The following CNTNAP2 variants were observed in gnomAD, a reference collection of about 807,000 sequenced individuals.
CNTNAP2 encodes the protein contactin associated protein 2, also known as contactin-associated protein-like 2.
CNTNAP2 carries 98 observed loss-of-function variants against 155.2 expected under a neutral mutation model. The observed-to-expected ratio is 0.63, with a 90% CI of 0.54 to 0.75. The LOEUF (loss-of-function observed/expected upper bound fraction) is 0.75. Ranked by LOEUF, CNTNAP2 falls within the 30% of genes least tolerant of loss-of-function variation. The probability of loss-of-function intolerance (pLI) is 0.00; values close to 1 mark genes in which losing one functional copy is unlikely to be tolerated. For missense variants in CNTNAP2, 1,727 were observed against 1,688.1 expected (o/e 1.02, Z -0.40); for synonymous variants, 651 against 631.2 (o/e 1.03, Z -0.47).
intron 12 of CNTNAP2, among the ~76,000 whole-genome samples, chr7:147,588,028 C>T (rs1048254305): frequency 3.9e-5 from 6 of 151,928 alleles, no homozygotes; most frequent in African/African-American, 1.5e-4. Context: ...ATTTAAGCTC[C>T]CATCCAATCA....
At chr7:147,573,660 T>C (rs1800336085) in intron 12 of CNTNAP2, among the ~76,000 whole-genome samples, 1 of 152,170 alleles carries the variant, frequency 6.6e-6, no homozygotes, top group Admixed American at 6.5e-5. Context: ...TAAAAGACTA[T>C]AAAATAATAT....
chr7:147,722,228 T>A (rs1796576375), intron 13 of CNTNAP2, among the ~76,000 whole-genome samples: 1 of 152,160 alleles, frequency 6.6e-6, no homozygotes, highest in Admixed American at 6.5e-5. Context: ...ATTTTATTTG[T>A]CAGTAACATG....
rs76199344 is a variant in CNTNAP2 at position 147,635,002 on chromosome 7, C to G, written c.1898-4104C>G. ...ACATTTGCATTTGTATTTCTTCTGT[C>G]TGGAATATTTTCCCCAGGCATTCAC... is the stretch of plus-strand genomic sequence containing the variant. On this transcript the variant is annotated intron_variant, in intron 12 of 23. Coordinates refer to ENST00000361727, the MANE Select transcript of CNTNAP2 (RefSeq NM_014141.6). Among the ~76,000 whole-genome samples the G allele has an allele frequency of 3.6e-3, 541 of 152,206 alleles. 1 individual carries two copies. Among genetic ancestry groups the G allele is most frequent in the Middle Eastern group, 0.01 (3 of 294 alleles).
rs879600389 is a variant in CNTNAP2 at position 146,638,476 on chromosome 7, C to CTT, written c.98-135774_98-135773dup. Among the ~76,000 whole-genome samples the CTT allele has an allele frequency of 3.7e-3, 239 of 64,364 alleles. 19 individuals are homozygous for CTT. The highest frequency in any genetic ancestry group is 0.01 in the East Asian group (19 of 1,884). 42.2% of individuals were successfully genotyped at this position (64,364 alleles called of 152,430 possible). A position where few individuals can be genotyped will look rare whatever the true frequency, so the allele number is the denominator to read the frequency against. The stretch of plus-strand genomic sequence containing the variant: ...AACAGTTTAATACAGTCAGGTGTTT[C>CTT]TTTTTTTTTTTTTTTTTTTTTTCTT... On this transcript the variant is annotated intron_variant, in intron 1 of 23. Coordinates refer to ENST00000361727, the MANE Select transcript of CNTNAP2 (RefSeq NM_014141.6).
intron 14 of CNTNAP2, among the ~76,000 whole-genome samples, chr7:147,916,888 C>T (rs1400324488): frequency 6.6e-6 from 1 of 152,068 alleles, no homozygotes; most frequent in Non-Finnish European, 1.5e-5. Context: ...CTCCCATTAC[C>T]CCCTCTTGAT....
At chr7:146,293,901 T>C (rs1800471656) in intron 1 of CNTNAP2, among the ~76,000 whole-genome samples, 1 of 152,210 alleles carries the variant, frequency 6.6e-6, no homozygotes, top group Admixed American at 6.5e-5. Flanking sequence ...GCCTTTTCTC[T>C]ACTCATTTAA....
intron 2 of CNTNAP2, among the ~76,000 whole-genome samples, chr7:146,779,363 A>G (rs923987834): frequency 6.6e-6 from 1 of 152,224 alleles, no homozygotes; most frequent in African/African-American, 2.4e-5. Flanking sequence ...TTAGGTTCTA[A>G]AGTAGCATAG....
chr7:148,107,060 T>C (rs1328599837), intron 15 of CNTNAP2, among the ~76,000 whole-genome samples: 4 of 152,294 alleles, frequency 2.6e-5, no homozygotes, highest in East Asian at 3.9e-4. Flanking sequence ...AAGAGCTTCA[T>C]AAAAAAATCT....
At chr7:146,831,974 G>C (rs1470232204) in intron 2 of CNTNAP2, among the ~76,000 whole-genome samples, 2 of 152,006 alleles carry the variant, frequency 1.3e-5, no homozygotes, top group Non-Finnish European at 2.9e-5. Context: ...AGGAATGATT[G>C]GGCCACTGCC....
intron 8 of CNTNAP2, among the ~76,000 whole-genome samples, chr7:147,160,081 G>T (rs1584763330): frequency 1.3e-5 from 2 of 152,046 alleles, no homozygotes; most frequent in Admixed American, 1.3e-4. Context: ...TTTTAACTAT[G>T]CAGCCACTGA....
intron 14 of CNTNAP2, among the ~76,000 whole-genome samples, chr7:147,941,039 A>G (rs548887533): frequency 1.6e-4 from 25 of 152,324 alleles, no homozygotes; most frequent in Admixed American, 1.4e-3. Context: ...AATTATCCCA[A>G]CAATATTCTG....
chr7:146,624,572 G>A (rs1405940001), intron 1 of CNTNAP2, among the ~76,000 whole-genome samples: 1 of 151,756 alleles, frequency 6.6e-6, no homozygotes, highest in Non-Finnish European at 1.5e-5. Flanking sequence ...TTATTTTACT[G>A]GTTTTCTACT....
At chr7:147,259,957 AT>A (rs1167999319) in intron 8 of CNTNAP2, among the ~76,000 whole-genome samples, 1 of 152,120 alleles carries the variant, frequency 6.6e-6, no homozygotes, top group Non-Finnish European at 1.5e-5. Context: ...AACTGAGTAC[AT>A]TTTCCACTAT....
chr7:147,421,380 C>T (rs1198282766), intron 10 of CNTNAP2, among the ~76,000 whole-genome samples: 1 of 151,964 alleles, frequency 6.6e-6, no homozygotes, highest in Non-Finnish European at 1.5e-5. Flanking sequence ...GAGTTTCTTT[C>T]CATGTAGAAA....
chr7:148,105,682 G>T (rs991178250), intron 15 of CNTNAP2, among the ~76,000 whole-genome samples: 1 of 151,986 alleles, frequency 6.6e-6, no homozygotes, highest in Admixed American at 6.6e-5. Context: ...CCACCTCCCA[G>T]GTTCAAGTGA....
chr7:148,303,451 C>T (rs1343545288), intron 21 of CNTNAP2, among the ~76,000 whole-genome samples: 2 of 152,104 alleles, frequency 1.3e-5, no homozygotes, highest in African/African-American at 2.4e-5. Flanking sequence ...GAGCTTGGGC[C>T]CTGGCCAGCT....
intron 1 of CNTNAP2, among the ~76,000 whole-genome samples, chr7:146,737,663 G>A (rs543792691): frequency 3.9e-5 from 6 of 152,078 alleles, no homozygotes; most frequent in African/African-American, 1.4e-4. Flanking sequence ...AATCAGTGAT[G>A]ATGAACATTT....
At chr7:147,835,842 T>C (rs1798623987) in intron 13 of CNTNAP2, among the ~76,000 whole-genome samples, 5 of 151,972 alleles carry the variant, frequency 3.3e-5, no homozygotes, top group Non-Finnish European at 7.4e-5. Flanking sequence ...TGAAGACCCA[T>C]GTGAAGAGAG....
intron 3 of CNTNAP2, among the ~76,000 whole-genome samples, chr7:146,932,596 G>T (rs1259936027): frequency 6.6e-6 from 1 of 152,060 alleles, no homozygotes; most frequent in East Asian, 1.9e-4. Context: ...GGGCAATTAG[G>T]CAGGAGAAGG....
Sources: gnomAD v4.1 joint callset for allele counts (sites outside exome capture counted in the v4.1 genomes callset) on GRCh38, gnomAD v4.1.1 for gene constraint, MANE v1.5 for transcripts, NCBI Gene and HGNC (gene_info 2026-07-23, HGNC 2026-07-21) for gene names.